FAM107B: variants seen among roughly 807,000 people sequenced by gnomAD.
The protein encoded by FAM107B is family with sequence similarity 107 member B, also known as protein FAM107B.
A neutral mutation model predicts 31.5 loss-of-function variants in FAM107B; 21 were observed. The observed-to-expected ratio is 0.67, with a 90% confidence interval of 0.47 to 0.96. The LOEUF (loss-of-function observed/expected upper bound fraction) is 0.96. Ranked by LOEUF, FAM107B falls within the 40% of genes least tolerant of loss-of-function variation. The probability of loss-of-function intolerance (pLI) is 0.00; values close to 1 mark genes in which losing one functional copy is unlikely to be tolerated. For missense variants in FAM107B, 452 were observed against 377.1 expected (o/e 1.20, Z -1.64); for synonymous variants, 157 against 141.5 (o/e 1.11, Z -0.78).
At chr10:14,625,255 C>CGTGT (rs1475893924) in intron 2 of FAM107B, among the ~76,000 whole-genome samples, 2 of 102,428 alleles carry the variant, frequency 2.0e-5, no homozygotes, top group Non-Finnish European at 4.7e-5. Flanking sequence ...ATGTCGTGTG[C>CGTGT]GTGCGTGTGT....
intron 2 of FAM107B, among the ~76,000 whole-genome samples, chr10:14,664,008 A>G (rs937399773): frequency 7.9e-5 from 12 of 152,072 alleles, no homozygotes; most frequent in African/African-American, 2.9e-4. Flanking sequence ...TCCCTTCACA[A>G]ATGAATTTCA....
intron 1 of FAM107B, among the ~76,000 whole-genome samples, chr10:14,750,054 G>A (rs1029339802): frequency 3.9e-5 from 6 of 152,208 alleles, no homozygotes; most frequent in African/African-American, 9.6e-5. Flanking sequence ...CAGCTCCAGC[G>A]AGGAGGGCAC....
At chr10:14,663,208 C>T (rs1195886877) in intron 2 of FAM107B, among the ~76,000 whole-genome samples, 1 of 152,206 alleles carries the variant, frequency 6.6e-6, no homozygotes, top group African/African-American at 2.4e-5. Context: ...GGACTGGCTT[C>T]CTTGTTCCTC....
chr10:14,716,332 C>A (rs1417265359), intron 1 of FAM107B, among the ~76,000 whole-genome samples: 1 of 152,190 alleles, frequency 6.6e-6, no homozygotes, highest in Non-Finnish European at 1.5e-5. Context: ...GTTGCGGGAT[C>A]CATTTCTAAG....
Position 14,562,434 on chromosome 10 carries a change from A to G in FAM107B, c.470-31919T>C, listed in dbSNP as rs12265971. On this transcript the variant is annotated intron_variant, in intron 2 of 4. Transcript: ENST00000181796. Reference sequence around the variant, plus strand: ...GATAATGTCTTCAAGCTTTACTACAAGTGGTAGAGGCAGAGTTGCTAATTT... The same window carrying G: ...GATAATGTCTTCAAGCTTTACTACAGGTGGTAGAGGCAGAGTTGCTAATTT... 2.0e-3 allele frequency among the ~76,000 whole-genome samples: 310 copies of G among 152,346 alleles called. 1 individual carries two copies. The highest frequency in any genetic ancestry group is 7.0e-3 in the African/African-American group (289 of 41,576).
In FAM107B at chr10:14,684,016, T is replaced by C. The variant is rs182908051; in HGVS notation, c.412-16325A>G. Reference sequence around the variant, plus strand: ...TTATAAACAACAGCCATTTATTTCTTATAGCTCTAGAGGCTGCAAAGTCCA... The same window carrying C: ...TTATAAACAACAGCCATTTATTTCTCATAGCTCTAGAGGCTGCAAAGTCCA... On this transcript the variant is annotated intron_variant, in intron 1 of 4. Transcript: ENST00000181796. 2.8e-4 allele frequency among the ~76,000 whole-genome samples: 43 copies of C among 152,358 alleles called. 1 individual carries two copies. Among genetic ancestry groups the C allele is most frequent in the Admixed American group, 1.2e-3 (19 of 15,298 alleles).
chr10:14,762,426 C>T (rs1310765698), intron 1 of FAM107B, among the ~76,000 whole-genome samples: 2 of 152,284 alleles, frequency 1.3e-5, no homozygotes, highest in East Asian at 1.9e-4. Flanking sequence ...GCATAAGAGA[C>T]TTGGGACACC....
chr10:14,542,688 T>C (rs1427194908), intron 2 of FAM107B: 1 of 152,164 alleles, frequency 6.6e-6, no homozygotes, highest in East Asian at 1.9e-4. Context: ...TTGAAAGAGC[T>C]CAGAAATAGT....
intron 1 of FAM107B, among the ~76,000 whole-genome samples, chr10:14,748,201 A>C (rs1161072687): frequency 6.6e-6 from 1 of 152,326 alleles, no homozygotes; most frequent in African/African-American, 2.4e-5. Flanking sequence ...CTATATTTTC[A>C]GAAGTAATCA....
intron 2 of FAM107B, chr10:14,661,627 G>A (rs575516158): frequency 1.6e-4 from 24 of 152,272 alleles, no homozygotes; most frequent in African/African-American, 5.1e-4. Flanking sequence ...AGGGCAGATC[G>A]TGGGATTTTT....
At chr10:14,748,741 G>A (rs952859310) in intron 1 of FAM107B, among the ~76,000 whole-genome samples, 2 of 152,212 alleles carry the variant, frequency 1.3e-5, no homozygotes, top group African/African-American at 4.8e-5. Context: ...CTGGATGTCA[G>A]CCCAGAGCCT....
intron 1 of FAM107B, among the ~76,000 whole-genome samples, chr10:14,731,486 C>A (rs561949209): frequency 6.6e-6 from 1 of 152,162 alleles, no homozygotes; most frequent in Non-Finnish European, 1.5e-5. Flanking sequence ...CACTTGAGCC[C>A]AGGAGGCGGA....
chr10:14,545,687 T>C (rs1370987734), intron 2 of FAM107B, among the ~76,000 whole-genome samples: 1 of 152,238 alleles, frequency 6.6e-6, no homozygotes, highest in Admixed American at 6.5e-5. Flanking sequence ...CCTTTTTTGG[T>C]TTTTGCATGA....
chr10:14,599,217 T>A (rs1350152479), intron 2 of FAM107B, among the ~76,000 whole-genome samples: 1 of 151,772 alleles, frequency 6.6e-6, no homozygotes, highest in Non-Finnish European at 1.5e-5. Flanking sequence ...TGAGGGTTGC[T>A]GGGGCTCAGT....
chr10:14,675,654 C>A (rs145814613), intron 1 of FAM107B, among the ~76,000 whole-genome samples: 2 of 152,252 alleles, frequency 1.3e-5, no homozygotes, highest in South Asian at 2.1e-4. Flanking sequence ...TTTTCAGATT[C>A]TTTCTATTAG....
intron 2 of FAM107B, among the ~76,000 whole-genome samples, chr10:14,603,765 G>C (rs944326887): frequency 6.6e-6 from 1 of 152,088 alleles, no homozygotes; most frequent in Non-Finnish European, 1.5e-5. Context: ...GGCCACCGTC[G>C]GCGCGGGGCA....
chr10:14,679,367 G>A (rs1025342485), intron 1 of FAM107B, among the ~76,000 whole-genome samples: 1 of 152,168 alleles, frequency 6.6e-6, no homozygotes, highest in African/African-American at 2.4e-5. Context: ...CTGGCCTCAA[G>A]CAATCCTTTT....
At chr10:14,613,397 T>G (rs1416871633) in intron 2 of FAM107B, among the ~76,000 whole-genome samples, 1 of 152,196 alleles carries the variant, frequency 6.6e-6, no homozygotes, top group Non-Finnish European at 1.5e-5. Context: ...TTTGGAGAGA[T>G]TCATAATCTT....
chr10:14,671,320 G>A (rs1216039250), intron 1 of FAM107B, among the ~76,000 whole-genome samples: 2 of 152,128 alleles, frequency 1.3e-5, no homozygotes, highest in African/African-American at 2.4e-5. Context: ...GAAAAGGCTC[G>A]CCAACAATTT....
Sources: allele counts gnomAD v4.1 joint callset (sites outside exome capture counted in the v4.1 genomes callset), GRCh38; gene constraint gnomAD v4.1.1; transcripts MANE v1.5; gene names NCBI Gene and HGNC (gene_info 2026-07-23, HGNC 2026-07-21).